Variants in EPHA10 observed in about 807,000 individuals in gnomAD.
EPHA10 encodes the protein ephrin type-A receptor 10.
Under a neutral mutation model 109.7 loss-of-function variants are expected in EPHA10, and 120 were observed. The observed-to-expected ratio is 1.09, with a 90% CI of 0.94 to 1.27. The LOEUF (loss-of-function observed/expected upper bound fraction) is 1.27, where lower values mean the gene tolerates loss of function less well. Among genes scored for constraint, EPHA10 ranks in the 50% most tolerant of loss-of-function variants. The probability of loss-of-function intolerance (pLI) is 0.00; values close to 1 mark genes in which losing one functional copy is unlikely to be tolerated. For synonymous variants in EPHA10, 640 were observed against 618.9 expected, an observed-to-expected ratio of 1.03 and a Z score of -0.51; for missense variants, 1,396 against 1,411.1, an observed-to-expected ratio of 0.99 and a Z score of 0.17.
rs958081409 is a variant in EPHA10 at position 37,761,438 on chromosome 1, C to T, written c.817G>A (p.Ala273Thr). 2 of 1,599,656 alleles carry T rather than the reference C, an allele frequency of 1.3e-6. No homozygotes were observed. Among genetic ancestry groups the T allele is most frequent in the African/African-American group, 1.3e-5 (1 of 75,014 alleles). ...LVPVGRCSCS[A>T]GFQERGDFCE... ...AAGTCACCACGCTCCTGGAATCCCG[C>T]GCTGCAGCTGCAGCGGCCCACAGGC... Residue 273 changes from alanine to threonine, a missense_variant, in exon 3 of 17, where the codon GCG becomes ACG. By Grantham distance (58) the Ala-to-Thr change is moderately conservative. Transcript: ENST00000373048.
At chr1:37,723,639 G>T (rs1271896075) in intron 8 of EPHA10, among the ~76,000 whole-genome samples, 3 of 152,200 alleles carry the variant, frequency 2.0e-5, no homozygotes, top group African/African-American at 7.2e-5. Flanking sequence ...CAACTCCAGA[G>T]GCACCCAATC....
At chr1:37,751,944 G>A (rs779332375) in intron 5 of EPHA10, among the ~76,000 whole-genome samples, 3 of 152,198 alleles carry the variant, frequency 2.0e-5, no homozygotes, top group East Asian at 3.9e-4. Flanking sequence ...GTGTGCATAC[G>A]TGTACATGTC....
intron 5 of EPHA10, among the ~76,000 whole-genome samples, chr1:37,752,423 G>A (rs1293892402): frequency 6.6e-6 from 1 of 152,146 alleles, no homozygotes; most frequent in Non-Finnish European, 1.5e-5. Flanking sequence ...TCCCGAGACA[G>A]AGGGAAGGAA....
chr1:37,727,342 C>T (rs1195314021), intron 7 of EPHA10, 132 bp from the exon 8 acceptor site: 1 of 658,810 alleles, frequency 1.5e-6, no homozygotes, highest in Non-Finnish European at 2.4e-6. Flanking sequence ...CTCCCAGCCA[C>T]AGAGGCGCCA....
At position 37,720,820 on chromosome 1, in the gene EPHA10, T is replaced by C. The variant is rs1645780714; in HGVS notation, c.2171A>G (p.Glu724Gly). 1 of 1,613,956 alleles carries C rather than the reference T, an allele frequency of 6.2e-7. No individual in the cohort carries two copies. The change falls in exon 12 of 17, where the codon GAG becomes GGG. Residue 724 changes from glutamate to glycine, a missense_variant. Glu to Gly is a moderately conservative substitution (Grantham distance 98). Coordinates refer to ENST00000373048, the MANE Select transcript of EPHA10 (RefSeq NM_001099439.2). The stretch of plus-strand genomic sequence containing the variant: ...GTCCAGGGCCCCATGGCTCATGTAC[T>C]CGGTGACAATCATCAAGGTGCTTCC... ...TRGSTLMIVT[E>G]YMSHGALDGF...
chr1:37,754,327 G>C lies in EPHA10; in HGVS notation c.894C>G (p.Leu298=). Residue 298 remains leucine (L), a synonymous_variant, in exon 4 of 17, where the codon CTC becomes CTG. Coordinates refer to ENST00000373048, the MANE Select transcript of EPHA10 (RefSeq NM_001099439.2). The surrounding 1 kb of genome is among the most constrained non-coding windows in gnomAD (Gnocchi z 4.5). ...GGCTGTGCTCTGGGCACGGTGAGCA[G>C]AGGGGCCGCCGCGGGGACACCTTGT... ...GFYKVSPRRP[L]CSPCPEHSRA... 4 of 1,317,644 alleles carry C rather than the reference G, an allele frequency of 3.0e-6. No individual in the cohort carries two copies. Among genetic ancestry groups the C allele is most frequent in the Non-Finnish European group, 3.9e-6 (4 of 1,027,726 alleles). 81.6% of individuals were successfully genotyped at this position (1,317,644 alleles called of 1,614,324 possible). A position where few individuals can be genotyped will look rare whatever the true frequency, so the allele number is the denominator to read the frequency against.
chr1:37,714,545 G>A (rs1162555517), downstream of EPHA10, among the ~76,000 whole-genome samples: 1 of 152,180 alleles, frequency 6.6e-6, no homozygotes, highest in Non-Finnish European at 1.5e-5. Flanking sequence ...CGCTGTTACG[G>A]GTTGAATTGT....
intron 15 of EPHA10, chr1:37,719,040 G>GC: frequency 1.6e-6 from 1 of 634,148 alleles, no homozygotes; most frequent in Non-Finnish European, 2.7e-6. Flanking sequence ...AGGTATTGGC[G>GC]TATCCGGAAC....
At position 37,735,281 on chromosome 1, in the gene EPHA10, C is replaced by T. The variant is rs1253910753; in HGVS notation, c.1467G>A (p.Glu489=). The change falls in exon 6 of 17, where the codon GAG becomes GAA. Residue 489 remains glutamate, a synonymous_variant. Transcript: ENST00000373048. ...CCTTCTCGTAGTATCGGATCTCGTACTCCGTGTCATTGGCCCCAGGGGCTC... is the reference window on the plus strand; with the variant it reads ...CCTTCTCGTAGTATCGGATCTCGTATTCCGTGTCATTGGCCCCAGGGGCTC... ...PAGAPGANDT[E]YEIRYYEKGQ... 6.4e-7 allele frequency: 1 copy of T among 1,564,722 alleles called. No individual in the cohort carries two copies.
intron 7 of EPHA10, among the ~76,000 whole-genome samples, chr1:37,729,993 T>G (rs1216325150): frequency 6.6e-6 from 1 of 151,994 alleles, no homozygotes. Flanking sequence ...GTCTCTACTA[T>G]CTGAGAGGTA....
intron 8 of EPHA10, among the ~76,000 whole-genome samples, chr1:37,725,935 T>C (rs1645883670): frequency 6.6e-6 from 1 of 152,108 alleles, no homozygotes; most frequent in South Asian, 2.1e-4. Flanking sequence ...GGCTGGGACA[T>C]GCATGCTGGA....
intron 8 of EPHA10, among the ~76,000 whole-genome samples, chr1:37,724,606 A>AGTAGAGGGGATG (rs1645856791): frequency 1.3e-5 from 2 of 152,178 alleles, no homozygotes; most frequent in South Asian, 4.1e-4. Flanking sequence ...GGACAGAGAA[A>AGTAGAGGGGATG]GTAGAGGGGA....
At position 37,719,699 on chromosome 1, in the gene EPHA10, C is replaced by A. The variant is rs1645755725; in HGVS notation, c.2563-92G>T. 3 of 1,145,824 alleles carry A rather than the reference C, an allele frequency of 2.6e-6. No individual in the cohort carries two copies. In the Admixed American group the frequency reaches 6.4e-5, roughly 24 times the overall value. 71.0% of individuals were successfully genotyped at this position (1,145,824 alleles called of 1,614,324 possible). ...ACACATGCACACACACAGACACAGA[C>A]ACACACACACACATGCGCACACACA... On this transcript the variant is annotated intron_variant, in intron 14 of 16. Transcript: ENST00000373048.
In EPHA10 at chr1:37,751,226, G is replaced by GAA. The variant is rs1557554717; in HGVS notation, c.1357+1648_1357+1649dup. ...CAAAAAAAAAAAAAAAAGAAAGAAA[G>GAA]AAAGAAAAAGAAAAAGAAAAAAAAA... On this transcript the variant is annotated intron_variant, in intron 5 of 16. Transcript: ENST00000373048. Among the ~76,000 whole-genome samples the GAA allele has an allele frequency of 7.6e-4, 64 of 83,870 alleles. 1 individual carries two copies. The highest frequency in any genetic ancestry group is 1.6e-3 in the African/African-American group (38 of 24,004). 55.0% of individuals were successfully genotyped at this position (83,870 alleles called of 152,430 possible). A position where few individuals can be genotyped will look rare whatever the true frequency, so the allele number is the denominator to read the frequency against.
At chr1:37,721,052 T>C (rs1645786104) in intron 11 of EPHA10, among the ~76,000 whole-genome samples, 1 of 152,046 alleles carries the variant, frequency 6.6e-6, no homozygotes, top group African/African-American at 2.4e-5. Context: ...TCCAAGGTCA[T>C]GAGCTGCAAC....
In EPHA10 at chr1:37,764,981, C is replaced by A. The variant is rs774365813; in HGVS notation, c.86G>T (p.Arg29Leu). 12 of 1,609,438 alleles carry A rather than the reference C, an allele frequency of 7.5e-6. No homozygotes were observed. In the Admixed American group the frequency reaches 2.0e-4, roughly 27 times the overall value. The change falls in exon 1 of 17, where the codon CGG becomes CTG. Residue 29 changes from arginine (R) to leucine (L), a missense_variant. Physicochemically the swap from Arg to Leu is moderately radical, Grantham distance 102. Coordinates refer to ENST00000373048, the MANE Select transcript of EPHA10 (RefSeq NM_001099439.2). The surrounding 1 kb of genome is among the most constrained non-coding windows in gnomAD (Gnocchi z 5.8). ...LCLALLLGPW[R>L]PGTAEEVILL... ...CTCACCTTCCTCGGCGGTCCCAGGC[C>A]GCCAGGGTCCCAAAAGCAGCGCGAG...
At position 37,761,864 on chromosome 1, in the gene EPHA10, G is replaced by A; in HGVS notation, c.391C>T (p.Leu131=). 6.2e-7 allele frequency: 1 copy of A among 1,612,560 alleles called. No homozygotes were observed. The highest frequency in any genetic ancestry group is 8.5e-7 in the Non-Finnish European group (1 of 1,178,946). ...CGGCCCAGGTCGGCCTCAGTTTCCA[G>A]GTAGTAGACGTTGAAGGTCTCCTTG... ...TCKETFNVYY[L]ETEADLGRGR... The change falls in exon 3 of 17, where the codon CTG becomes TTG. Residue 131 remains leucine, a synonymous_variant. Transcript: ENST00000373048.
In EPHA10 at chr1:37,731,442, G is replaced by A. The variant is rs1392730477; in HGVS notation, c.1632C>T (p.Asn544=). The change falls in exon 7 of 17, where the codon AAC becomes AAT. Residue 544 remains asparagine (N), a synonymous_variant. Transcript: ENST00000373048. ...CCAGGGTCTGTACTTCAATGCTGGG[G>A]TTAAAACTCTGGGCCTCCCAGGATG... The part of the protein sequence containing the change: ...PGPSWEAQSF[N]PSIEVQTLGE... 1 of 1,613,008 alleles carries A rather than the reference G, an allele frequency of 6.2e-7. No homozygotes were observed. Among genetic ancestry groups the A allele is most frequent in the African/African-American group, 1.3e-5 (1 of 74,860 alleles).
At chr1:37,736,003 G>A (rs1646063486) in intron 5 of EPHA10, among the ~76,000 whole-genome samples, 1 of 152,202 alleles carries the variant, frequency 6.6e-6, no homozygotes, top group Admixed American at 6.5e-5. Flanking sequence ...AGCCAGAGCA[G>A]TTAGGCAAGA....
Sources: allele counts gnomAD v4.1 joint callset (sites outside exome capture counted in the v4.1 genomes callset), GRCh38; gene constraint gnomAD v4.1.1; non-coding constraint Gnocchi (gnomAD v3.1); transcripts MANE v1.5; gene names NCBI Gene and HGNC (gene_info 2026-07-23, HGNC 2026-07-21).